Variants in TUSC3 observed in about 807,000 individuals in gnomAD.
TUSC3 encodes the protein dolichyl-diphosphooligosaccharide--protein glycosyltransferase subunit TUSC3.
TUSC3 carries 45 observed loss-of-function variants against 44.8 expected under a neutral mutation model. The observed-to-expected ratio is 1.00, with a 90% CI of 0.79 to 1.29. The LOEUF (loss-of-function observed/expected upper bound fraction) is 1.29, where lower values mean the gene tolerates loss of function less well. Ranked by LOEUF, TUSC3 falls within the 50% of genes most tolerant of loss-of-function variation. TUSC3 has a pLI of 0.00. For missense variants in TUSC3, 519 were observed against 437.9 expected (o/e 1.19, Z -1.65); for synonymous variants, 212 against 152.9 (o/e 1.39, Z -2.85).
chr8:15,781,024 T>A, the TUSC3 span, among the ~76,000 whole-genome samples: 1 of 152,124 alleles, frequency 6.6e-6, no homozygotes, highest in African/African-American at 2.4e-5. Context: ...CTAACTAACT[T>A]GTATCAGGTA....
At chr8:15,681,807 T>C (rs953497889) in intron 6 of TUSC3, among the ~76,000 whole-genome samples, 17 of 152,122 alleles carry the variant, frequency 1.1e-4, no homozygotes, top group African/African-American at 2.4e-5. Context: ...TTTAACACTA[T>C]AAACATTTCT....
intron 9 of TUSC3, 122 bp from the exon 10 acceptor site, chr8:15,757,669 C>CTCTAT: frequency 9.0e-7 from 1 of 1,105,566 alleles, no homozygotes; most frequent in South Asian, 1.3e-5. Flanking sequence ...ATCGTCTATC[C>CTCTAT]CCTGTCTTAT....
upstream of TUSC3, among the ~76,000 whole-genome samples, chr8:15,537,221 A>G (rs1298709478): frequency 1.3e-5 from 2 of 152,116 alleles, no homozygotes; most frequent in Non-Finnish European, 2.9e-5. Flanking sequence ...TAACCTAAAC[A>G]TTCCTTTCCA....
At chr8:15,458,705 C>A (rs1800297583) in intron 1 of TUSC3, among the ~76,000 whole-genome samples, 1 of 152,128 alleles carries the variant, frequency 6.6e-6, no homozygotes, top group Non-Finnish European at 1.5e-5. Flanking sequence ...CCCGACTTTT[C>A]AAGATAAATG....
upstream of TUSC3, among the ~76,000 whole-genome samples, chr8:15,537,580 T>G (rs1801542087): frequency 2.0e-5 from 3 of 152,094 alleles, no homozygotes; most frequent in South Asian, 6.2e-4. Context: ...GATAATGACA[T>G]CTCATGTGTT....
At position 15,743,542 on chromosome 8, in the gene TUSC3, C is replaced by T. The variant is rs778689006; in HGVS notation, c.867C>T (p.Ala289=). 26 of 1,613,740 alleles carry T rather than the reference C, an allele frequency of 1.6e-5. No individual in the cohort carries two copies. Among genetic ancestry groups the T allele is most frequent in the Non-Finnish European group, 1.8e-5 (21 of 1,179,840 alleles). ...AESHIILVLN[A]AITMGMVLLN... ...CTTCCTTGACAACTACTGCAGATGC[C>T]GCTATCACCATGGGGATGGTTCTTC... is the stretch of plus-strand genomic sequence containing the variant. The change falls in exon 8 of 11, where the codon GCC becomes GCT. Residue 289 remains alanine (A), a synonymous_variant. Transcript: ENST00000503731.
chr8:15,483,660 T>TTTTTTTTTTTTTTTG, intron 2 of TUSC3, among the ~76,000 whole-genome samples: 1 of 133,452 alleles, frequency 7.5e-6, no homozygotes, highest in Non-Finnish European at 1.6e-5. Context: ...TTTTTTTTTT[T>TTTTTTTTTTTTTTTG]TTTTTTTTTT....
chr8:15,615,831 C>T (rs925487303), intron 1 of TUSC3, among the ~76,000 whole-genome samples: 1 of 152,004 alleles, frequency 6.6e-6, no homozygotes, highest in African/African-American at 2.4e-5. Context: ...CCCATAAGTA[C>T]TGAAATGAAA....
At chr8:15,438,832 T>C (rs765141071) in intron 1 of TUSC3, among the ~76,000 whole-genome samples, 3 of 152,136 alleles carry the variant, frequency 2.0e-5, no homozygotes. Flanking sequence ...ATCTCAAAGA[T>C]GATGAGTGAA....
chr8:15,504,633 T>C (rs1004582409), intron 2 of TUSC3, among the ~76,000 whole-genome samples: 11 of 106,396 alleles, frequency 1.0e-4, no homozygotes, highest in African/African-American at 2.9e-4. Flanking sequence ...TTTTTTTTTT[T>C]TTTTTTTTTA....
the TUSC3 span, among the ~76,000 whole-genome samples, chr8:15,846,616 C>T: frequency 6.6e-6 from 1 of 152,114 alleles, no homozygotes; most frequent in South Asian, 2.1e-4. Flanking sequence ...AACAGAAAAC[C>T]AAACACCACA....
intron 6 of TUSC3, chr8:15,689,207 C>A: frequency 2.8e-6 from 1 of 363,178 alleles, no homozygotes; most frequent in South Asian, 2.4e-5. Flanking sequence ...CTAAGCATTC[C>A]ATTTTCTCTT....
chr8:15,676,150 T>C (rs1563167117), intron 6 of TUSC3, among the ~76,000 whole-genome samples: 1 of 152,198 alleles, frequency 6.6e-6, no homozygotes, highest in Admixed American at 6.5e-5. Context: ...TGATATCTCA[T>C]TGTGATTTTA....
chr8:15,632,259 G>A (rs1355133457), intron 2 of TUSC3, among the ~76,000 whole-genome samples: 2 of 152,012 alleles, frequency 1.3e-5, no homozygotes, highest in Admixed American at 6.6e-5. Flanking sequence ...TAATGATGGT[G>A]ACTTTTTTTT....
chr8:15,596,476 C>T (rs1804071815), intron 1 of TUSC3, among the ~76,000 whole-genome samples: 1 of 152,084 alleles, frequency 6.6e-6, no homozygotes, highest in Non-Finnish European at 1.5e-5. Flanking sequence ...GCATGTTCCG[C>T]AAGACCAACT....
intron 2 of TUSC3, among the ~76,000 whole-genome samples, chr8:15,503,736 C>T (rs1801001346): frequency 6.6e-6 from 1 of 151,962 alleles, no homozygotes; most frequent in Non-Finnish European, 1.5e-5. Flanking sequence ...GCCACAATGG[C>T]TCATGCCTGT....
chr8:15,762,999 C>A (rs1331200319), intron 10 of TUSC3, among the ~76,000 whole-genome samples: 1 of 152,036 alleles, frequency 6.6e-6, no homozygotes, highest in African/African-American at 2.4e-5. Flanking sequence ...GATATCACCA[C>A]ATCATTTTTA....
At chr8:15,721,537 G>A (rs1810305027) in intron 6 of TUSC3, among the ~76,000 whole-genome samples, 1 of 151,914 alleles carries the variant, frequency 6.6e-6, no homozygotes, top group Non-Finnish European at 1.5e-5. Context: ...TTACAGCATA[G>A]ATTTATGTAT....
At chr8:15,484,796 A>C (rs1378445239) in intron 2 of TUSC3, among the ~76,000 whole-genome samples, 1 of 152,248 alleles carries the variant, frequency 6.6e-6, no homozygotes, top group East Asian at 1.9e-4. Flanking sequence ...ATCACTTTTA[A>C]AATGTTCATC....
Sources: gnomAD v4.1 joint callset for allele counts (sites outside exome capture counted in the v4.1 genomes callset) on GRCh38, gnomAD v4.1.1 for gene constraint, MANE v1.5 for transcripts, NCBI Gene and HGNC (gene_info 2026-07-23, HGNC 2026-07-21) for gene names.